Variants in NANS observed in about 807,000 individuals in gnomAD.
The protein encoded by NANS is N-acetylneuraminate synthase.
A neutral mutation model predicts 33.3 loss-of-function variants in NANS; 29 were observed. The ratio of observed to expected loss-of-function variants is 0.87; its 90% CI spans 0.65 to 1.19. The LOEUF is 1.19. Ranked by LOEUF, NANS falls within the 50% of genes most tolerant of loss-of-function variation. The probability of loss-of-function intolerance (pLI) is 0.00; values close to 1 mark genes in which losing one functional copy is unlikely to be tolerated. For missense variants in NANS, 394 were observed against 461.1 expected (o/e 0.85, Z 1.33); for synonymous variants, 163 against 177.2 (o/e 0.92, Z 0.64).
chr9:98,064,895 C>T (rs1829090564), intron 2 of NANS, among the ~76,000 whole-genome samples: 1 of 152,198 alleles, frequency 6.6e-6, no homozygotes, highest in Admixed American at 6.5e-5. Flanking sequence ...GCTGGAGAGT[C>T]TCTGGGCCCA....
chr9:98,072,506 G>T (rs1178559645), intron 2 of NANS, among the ~76,000 whole-genome samples: 1 of 151,972 alleles, frequency 6.6e-6, no homozygotes, highest in Non-Finnish European at 1.5e-5. Context: ...CCACCTCACG[G>T]GTTCAAGCAG....
chr9:98,071,951 G>T (rs1261940777), intron 2 of NANS, among the ~76,000 whole-genome samples: 1 of 152,226 alleles, frequency 6.6e-6, no homozygotes, highest in African/African-American at 2.4e-5. Flanking sequence ...GGTGGCATCG[G>T]TTGAGAACCC....
chr9:98,068,018 C>T (rs185454180), intron 2 of NANS, among the ~76,000 whole-genome samples: 207 of 152,192 alleles, frequency 1.4e-3, no homozygotes, highest in Admixed American at 3.0e-3. Flanking sequence ...CACCATGCCT[C>T]GCCCTTTTTC....
chr9:98,073,519 G>A (rs369767931), intron 2 of NANS, among the ~76,000 whole-genome samples: 295 of 150,676 alleles, frequency 2.0e-3, no homozygotes, highest in African/African-American at 6.9e-3. Flanking sequence ...TCCTGACCTC[G>A]TGATCTGCCC....
At position 98,081,073 on chromosome 9, in the gene NANS, C is replaced by A; in HGVS notation, c.861C>A (p.Cys287Ter). 1 of 1,614,138 alleles carries A rather than the reference C, an allele frequency of 6.2e-7. No individual in the cohort carries two copies. Among genetic ancestry groups the A allele is most frequent in the Non-Finnish European group, 8.5e-7 (1 of 1,180,022 alleles). Reference sequence around the variant, plus strand: ...AGCTGCTGCCCTGTGAGATGGCCTGCAATGAGAAGGTGTGTCCTGCCGGAC... The same window carrying A: ...AGCTGCTGCCCTGTGAGATGGCCTGAAATGAGAAGGTGTGTCCTGCCGGAC... ...TKQLLPCEMA[C>*]NEKLGKSVVA... The change falls in exon 5 of 6, where the codon TGC becomes TGA. Residue 287 changes from cysteine to a stop codon, truncating the protein, a stop_gained. Transcript: ENST00000210444. LOFTEE classifies it high-confidence loss of function.
chr9:98,073,092 G>A (rs1448941971), intron 2 of NANS, among the ~76,000 whole-genome samples: 1 of 152,008 alleles, frequency 6.6e-6, no homozygotes, highest in Non-Finnish European at 1.5e-5. Flanking sequence ...GGTGACTCCT[G>A]AGGGACATGC....
At chr9:98,066,707 G>C (rs1430784587) in intron 2 of NANS, among the ~76,000 whole-genome samples, 1 of 151,336 alleles carries the variant, frequency 6.6e-6, no homozygotes. Flanking sequence ...CTGGAGTGCA[G>C]TGGTAGGATC....
intron 2 of NANS, chr9:98,075,660 G>A (rs1829559054): frequency 6.6e-6 from 1 of 152,176 alleles, no homozygotes; most frequent in Non-Finnish European, 1.5e-5. Flanking sequence ...TCACCATTCA[G>A]AGACATTGAT....
chr9:98,080,780 G>A lies in NANS; in HGVS notation c.604-36G>A, dbSNP rs756634854. 2.6e-6 allele frequency: 4 copies of A among 1,540,958 alleles called. No individual in the cohort carries two copies. In the African/African-American group the frequency reaches 5.5e-5, roughly 21 times the overall value. On this transcript the variant is annotated intron_variant, in intron 4 of 5. Coordinates refer to ENST00000210444, the MANE Select transcript of NANS (RefSeq NM_018946.4). ...CTGGAGAATATGCATAAAGCAGCAT[G>A]ATATTTAATGTTATTTTTCTTTTTC...
chr9:98,062,777 G>GT (rs765558300), intron 2 of NANS, among the ~76,000 whole-genome samples: 18,462 of 109,286 alleles, frequency 0.17, 1,918 homozygotes, highest in Admixed American at 0.25. Flanking sequence ...AGTTATTTCA[G>GT]TTTTTTTTTT....
chr9:98,057,073 T>C (rs1828849012), intron 1 of NANS, 133 bp downstream of exon 1: 2 of 1,222,968 alleles, frequency 1.6e-6, no homozygotes, highest in Non-Finnish European at 2.2e-6. Flanking sequence ...CAGTTCCGTT[T>C]TCGGAATCCT....
rs1199157854 is a variant in NANS at position 98,059,302 on chromosome 9, T to C, written c.133-1480T>C. Among the ~76,000 whole-genome samples the C allele has an allele frequency of 3.3e-5, 5 of 152,152 alleles. No homozygotes were observed. In the East Asian group the frequency reaches 9.7e-4, roughly 29 times the overall value. ...CCTCCCAGAGTGCTGGGATTACAGG[T>C]GTGAGCCACTGCGCCCGGCAGCCAA... is the stretch of plus-strand genomic sequence containing the variant. On this transcript the variant is annotated intron_variant, in intron 1 of 5. Coordinates refer to ENST00000210444, the MANE Select transcript of NANS (RefSeq NM_018946.4).
chr9:98,061,679 C>T (rs1828985063), intron 2 of NANS, among the ~76,000 whole-genome samples: 1 of 150,464 alleles, frequency 6.6e-6, no homozygotes, highest in Admixed American at 6.7e-5. Flanking sequence ...ACTTGGGAGG[C>T]TGAGGCAGGA....
intron 2 of NANS, chr9:98,076,242 G>A (rs1021102957): frequency 6.6e-6 from 1 of 152,196 alleles, no homozygotes; most frequent in Non-Finnish European, 1.5e-5. Context: ...AGAAGGGAAA[G>A]CCTTTGAGGC....
chr9:98,065,089 G>T (rs1039894723), intron 2 of NANS, among the ~76,000 whole-genome samples: 1 of 152,170 alleles, frequency 6.6e-6, no homozygotes, highest in Non-Finnish European at 1.5e-5. Flanking sequence ...TGACATAGCA[G>T]CCTGCATTCA....
At position 98,080,934 on chromosome 9, in the gene NANS, T is replaced by C. The variant is rs1346448318; in HGVS notation, c.722T>C (p.Leu241Ser). The change falls in exon 5 of 6, where the codon TTG (leucine) becomes TCG (serine). Residue 241 changes from leucine (L) to serine (S), a missense_variant. Leu to Ser is a moderately radical substitution (Grantham distance 145). Coordinates refer to ENST00000210444, the MANE Select transcript of NANS (RefSeq NM_018946.4). ...GAKVLERHIT[L>S]DKTWKGSDHS... ...AAGGTGTTGGAACGTCACATAACTTTGGACAAGACCTGGAAGGGGAGTGAC... is the reference window on the plus strand; with the variant it reads ...AAGGTGTTGGAACGTCACATAACTTCGGACAAGACCTGGAAGGGGAGTGAC... 12 of 1,614,106 alleles carry C rather than the reference T, an allele frequency of 7.4e-6. No homozygotes were observed. The highest frequency in any genetic ancestry group is 1.0e-5 in the Non-Finnish European group (12 of 1,180,040).
intron 2 of NANS, 76 bp downstream of exon 2, chr9:98,061,073 T>C: frequency 1.4e-6 from 2 of 1,402,596 alleles, no homozygotes; most frequent in South Asian, 2.4e-5. Context: ...ACTTCCGGCT[T>C]AGGGCCACCT....
intron 1 of NANS, 46 bp from the exon 2 acceptor site, chr9:98,060,736 G>A: frequency 6.4e-7 from 1 of 1,572,236 alleles, no homozygotes; most frequent in Non-Finnish European, 8.7e-7. Flanking sequence ...TCCTTTTTTT[G>A]AGAATCTACG....
chr9:98,082,716 G>C, intron 5 of NANS, 130 bp from the exon 6 acceptor site: 1 of 735,728 alleles, frequency 1.4e-6, no homozygotes, highest in Non-Finnish European at 2.3e-6. Context: ...GAGCAGTGTA[G>C]GGGGCAACAG....
Sources: allele counts gnomAD v4.1 joint callset (sites outside exome capture counted in the v4.1 genomes callset), GRCh38; gene constraint gnomAD v4.1.1; transcripts MANE v1.5; gene names NCBI Gene and HGNC (gene_info 2026-07-23, HGNC 2026-07-21).